Variants in SYT1 observed in about 807,000 individuals in gnomAD.
SYT1 encodes the protein synaptotagmin-1.
A neutral mutation model predicts 44.8 loss-of-function variants in SYT1; 8 were observed. That is an observed-to-expected ratio of 0.18 (90% confidence interval 0.10 to 0.32). The LOEUF is 0.32. Ranked by LOEUF, SYT1 falls within the 10% of genes least tolerant of loss-of-function variation. The pLI, the probability that SYT1 is intolerant of heterozygous loss-of-function variation, is 1.00. For synonymous variants in SYT1, 154 were observed against 188.8 expected, an observed-to-expected ratio of 0.82 and a Z score of 1.51; for missense variants, 286 against 509.3, an observed-to-expected ratio of 0.56 and a Z score of 4.22.
chr12:79,124,726 A>G (rs1868349503), intron 3 of SYT1, among the ~76,000 whole-genome samples: 1 of 152,178 alleles, frequency 6.6e-6, no homozygotes, highest in Admixed American at 6.5e-5. Flanking sequence ...TCCATGTGGT[A>G]GTTGTGTGTA....
chr12:79,239,793 T>C (rs1253322612), intron 4 of SYT1, among the ~76,000 whole-genome samples: 1 of 152,122 alleles, frequency 6.6e-6, no homozygotes, highest in Non-Finnish European at 1.5e-5. Context: ...TTTTCCAAGC[T>C]CTTTCAGACT....
At chr12:79,210,879 A>T (rs1438546197) in intron 3 of SYT1, among the ~76,000 whole-genome samples, 6 of 151,812 alleles carry the variant, frequency 4.0e-5, no homozygotes, top group African/African-American at 1.4e-4. Context: ...TATTGGTTAA[A>T]TATGTAGCTG....
chr12:79,263,082 A>G (rs992366819), intron 4 of SYT1, among the ~76,000 whole-genome samples: 1 of 152,174 alleles, frequency 6.6e-6, no homozygotes, highest in African/African-American at 2.4e-5. Flanking sequence ...CCTAATTTTC[A>G]TTCCATTTGT....
At chr12:78,936,114 T>C (rs1400273035) in intron 1 of SYT1, among the ~76,000 whole-genome samples, 1 of 152,192 alleles carries the variant, frequency 6.6e-6, no homozygotes, top group Non-Finnish European at 1.5e-5. Context: ...TGTATTTATG[T>C]CACTTCTTTT....
chr12:79,131,475 A>G (rs1470206137), intron 3 of SYT1, among the ~76,000 whole-genome samples: 3 of 152,146 alleles, frequency 2.0e-5, no homozygotes, highest in African/African-American at 7.2e-5. Flanking sequence ...AGCTCCTTAG[A>G]GATGATGTAC....
intron 4 of SYT1, among the ~76,000 whole-genome samples, chr12:79,235,256 T>C (rs1876119850): frequency 6.6e-6 from 1 of 152,198 alleles, no homozygotes; most frequent in Non-Finnish European, 1.5e-5. Context: ...ACATCCTTGC[T>C]AACACTTGGA....
intron 3 of SYT1, among the ~76,000 whole-genome samples, chr12:79,183,452 C>A (rs534291698): frequency 4.3e-4 from 66 of 152,092 alleles, no homozygotes; most frequent in African/African-American, 1.5e-3. Flanking sequence ...GAAAAGGGTG[C>A]TACTGGCATT....
chr12:78,891,635 G>A (rs1457981251), intron 1 of SYT1, among the ~76,000 whole-genome samples: 1 of 151,860 alleles, frequency 6.6e-6, no homozygotes, highest in Non-Finnish European at 1.5e-5. Context: ...GGTATTTTTG[G>A]CAGCTTTTTA....
At chr12:79,325,207 G>GCTT (rs1233363651) in intron 8 of SYT1, among the ~76,000 whole-genome samples, 1 of 152,230 alleles carries the variant, frequency 6.6e-6, no homozygotes, top group Non-Finnish European at 1.5e-5. Context: ...CTTTTGGCCA[G>GCTT]CTTCTCATGG....
chr12:79,195,488 G>C (rs1281226754), intron 3 of SYT1, among the ~76,000 whole-genome samples: 1 of 131,894 alleles, frequency 7.6e-6, no homozygotes, highest in Non-Finnish European at 1.6e-5. Context: ...TCATATATTT[G>C]AAAAAAGAGA....
intron 8 of SYT1, among the ~76,000 whole-genome samples, chr12:79,347,041 CT>C (rs59524429): frequency 0.085 from 10,645 of 125,830 alleles, 418 homozygotes; most frequent in African/African-American, 0.16. Context: ...TTTGTTTTTT[CT>C]TTTTTTTTTT....
chr12:79,221,840 A>T lies in SYT1; in HGVS notation c.166+4155A>T, dbSNP rs559131520. ...ATTTATAAGTAAATGACACACCAGG[A>T]TTACAGTGTTATAGTATTCTGCATT... On this transcript the variant is annotated intron_variant, in intron 4 of 10. Transcript: ENST00000261205. 2.0e-5 allele frequency among the ~76,000 whole-genome samples: 3 copies of T among 152,236 alleles called. No homozygotes were observed. The East Asian group carries it at 5.8e-4, about 29-fold the overall frequency.
chr12:78,980,815 A>C (rs1424826351), intron 2 of SYT1, among the ~76,000 whole-genome samples: 1 of 152,156 alleles, frequency 6.6e-6, no homozygotes, highest in East Asian at 1.9e-4. Context: ...AGGAAAGTAA[A>C]TTTGCTTATA....
chr12:79,154,311 T>C (rs1870457616), intron 3 of SYT1, among the ~76,000 whole-genome samples: 1 of 152,142 alleles, frequency 6.6e-6, no homozygotes, highest in African/African-American at 2.4e-5. Flanking sequence ...TTGGTTAACA[T>C]GTATTGAGTA....
At chr12:79,222,738 C>T (rs1298425459) in intron 4 of SYT1, among the ~76,000 whole-genome samples, 1 of 152,102 alleles carries the variant, frequency 6.6e-6, no homozygotes, top group Non-Finnish European at 1.5e-5. Flanking sequence ...TCTCCTATGG[C>T]TTGATTGTTT....
chr12:79,421,711 GTT>G (rs71989672), intron 9 of SYT1, among the ~76,000 whole-genome samples: 14 of 141,236 alleles, frequency 9.9e-5, no homozygotes, highest in African/African-American at 3.3e-4. Flanking sequence ...TTTGTTTTCT[GTT>G]TTTTTTTTTT....
rs938827434 is a variant in SYT1, at chr12:79,435,418, C to T, written c.929-8655C>T. ...TTCTGGGCTCAAGCTATCCTCCCAC[C>T]TCTGCCTCCCTAAGAGCTGGGACTA... On this transcript the variant is annotated intron_variant, in intron 9 of 10. Coordinates refer to ENST00000261205, the MANE Select transcript of SYT1 (RefSeq NM_005639.3). Among the ~76,000 whole-genome samples, 4 of 152,308 alleles carry T rather than the reference C, an allele frequency of 2.6e-5. No homozygotes were observed. The East Asian group carries it at 7.7e-4, about 29-fold the overall frequency.
At chr12:79,383,465 G>A (rs1884307610) in intron 9 of SYT1, among the ~76,000 whole-genome samples, 1 of 152,024 alleles carries the variant, frequency 6.6e-6, no homozygotes, top group Non-Finnish European at 1.5e-5. Context: ...TGGTACAATG[G>A]CAAAATAAGT....
intron 1 of SYT1, among the ~76,000 whole-genome samples, chr12:78,882,999 A>G (rs936622830): frequency 6.6e-6 from 1 of 151,702 alleles, no homozygotes; most frequent in African/African-American, 2.4e-5. Context: ...TCTTCTAGCT[A>G]AAGATAAAGT....
Sources: allele counts gnomAD v4.1 joint callset (sites outside exome capture counted in the v4.1 genomes callset), GRCh38; gene constraint gnomAD v4.1.1; transcripts MANE v1.5; gene names NCBI Gene and HGNC (gene_info 2026-07-23, HGNC 2026-07-21).